BICDL1: variants seen among roughly 807,000 people sequenced by gnomAD.
BICDL1 encodes the protein BICD family-like cargo adapter 1.
A neutral mutation model predicts 76.8 loss-of-function variants in BICDL1; 20 were observed. The ratio of observed to expected loss-of-function variants is 0.26; its 90% CI spans 0.18 to 0.38. The LOEUF (loss-of-function observed/expected upper bound fraction) is 0.38, where lower values mean the gene tolerates loss of function less well. Among genes scored for constraint, BICDL1 ranks in the 10% least tolerant of loss-of-function variants. BICDL1 has a pLI of 1.00. For synonymous variants in BICDL1, 383 were observed against 337.1 expected, an observed-to-expected ratio of 1.14 and a Z score of -1.49; for missense variants, 700 against 798.6, an observed-to-expected ratio of 0.88 and a Z score of 1.49.
chr12:120,046,733 G>C (rs1168108484), intron 2 of BICDL1, among the ~76,000 whole-genome samples: 2 of 152,190 alleles, frequency 1.3e-5, no homozygotes, highest in Non-Finnish European at 2.9e-5. Context: ...AGGCCATCAA[G>C]TTAACATAGG....
At chr12:120,022,663 A>G (rs1952208696) in intron 2 of BICDL1, among the ~76,000 whole-genome samples, 1 of 152,072 alleles carries the variant, frequency 6.6e-6, no homozygotes, top group South Asian at 2.1e-4. Flanking sequence ...TACACAAACT[A>G]TATGAAACAA....
intron 2 of BICDL1, among the ~76,000 whole-genome samples, chr12:120,048,659 T>C (rs114252142): frequency 1.5e-4 from 23 of 152,314 alleles, no homozygotes; most frequent in Middle Eastern, 6.8e-3. Context: ...TTTCCTCATC[T>C]GTGTAATGAA....
intron 2 of BICDL1, among the ~76,000 whole-genome samples, chr12:120,024,279 TCAAAA>T (rs1302127833): frequency 2.6e-5 from 4 of 152,054 alleles, no homozygotes; most frequent in South Asian, 2.1e-4. Context: ...AGACTCCATC[TCAAAA>T]CAAAACAAAA....
chr12:120,007,947 T>C (rs1016082871), intron 2 of BICDL1, among the ~76,000 whole-genome samples: 4 of 152,196 alleles, frequency 2.6e-5, no homozygotes, highest in African/African-American at 7.2e-5. Context: ...AGGTGGGGGC[T>C]GTATTATTTG....
intron 2 of BICDL1, among the ~76,000 whole-genome samples, chr12:120,021,378 G>A (rs183122409): frequency 5.9e-5 from 9 of 151,854 alleles, no homozygotes; most frequent in Admixed American, 3.3e-4. Flanking sequence ...CCTGAGGTCA[G>A]GAGTTGGAGA....
At chr12:120,023,734 G>A (rs950182336) in intron 2 of BICDL1, among the ~76,000 whole-genome samples, 3 of 151,274 alleles carry the variant, frequency 2.0e-5, no homozygotes, top group African/African-American at 7.3e-5. Flanking sequence ...AGGTTGCAGT[G>A]AGCTGAGATC....
At position 119,989,712 on chromosome 12, in the gene BICDL1, G is replaced by GGC. The variant is rs1951470747; in HGVS notation, c.-150_-149dup. ...CGCCGGCGCGGGGGAGGGGCGGGCC[G>GGC]GCGCGCGCCGCGCCCAGGGCTCGCG... On this transcript the variant is annotated 5_prime_UTR_variant, in exon 1 of 10. Coordinates refer to ENST00000548673, the MANE Select transcript of BICDL1 (RefSeq NM_001367886.1). Among the ~76,000 whole-genome samples, 1 of 145,056 alleles carries GGC rather than the reference G, an allele frequency of 6.9e-6. No individual in the cohort carries two copies. Among genetic ancestry groups the GGC allele is most frequent in the African/African-American group, 2.5e-5 (1 of 40,528 alleles).
intron 2 of BICDL1, among the ~76,000 whole-genome samples, chr12:120,050,141 TA>T (rs1179529794): frequency 3.3e-5 from 5 of 152,242 alleles, no homozygotes; most frequent in Non-Finnish European, 7.3e-5. Context: ...TTTGCTCATT[TA>T]AAAAATTACG....
intron 6 of BICDL1, among the ~76,000 whole-genome samples, chr12:120,073,675 C>T (rs1317082053): frequency 6.6e-6 from 1 of 152,176 alleles, no homozygotes; most frequent in Admixed American, 6.5e-5. Context: ...GTTTCATCCT[C>T]CTACAGAAAA....
intron 8 of BICDL1, among the ~76,000 whole-genome samples, chr12:120,088,195 G>C (rs1874594527): frequency 6.6e-6 from 1 of 152,160 alleles, no homozygotes; most frequent in Non-Finnish European, 1.5e-5. Context: ...GCCTCCCAAA[G>C]TGCTGGGGAT....
intron 2 of BICDL1, among the ~76,000 whole-genome samples, chr12:120,045,318 G>A (rs1023446990): frequency 2.0e-5 from 3 of 152,042 alleles, no homozygotes; most frequent in Non-Finnish European, 4.4e-5. Context: ...TACACTGTTG[G>A]TGGGACTGTA....
At chr12:120,028,453 T>C (rs1392383249) in intron 2 of BICDL1, among the ~76,000 whole-genome samples, 1 of 152,002 alleles carries the variant, frequency 6.6e-6, no homozygotes, top group South Asian at 2.1e-4. Context: ...GGCAGGCAGA[T>C]CACTTGAGGT....
At chr12:120,070,788 A>G (rs530345940) in intron 4 of BICDL1, among the ~76,000 whole-genome samples, 5 of 151,110 alleles carry the variant, frequency 3.3e-5, no homozygotes, top group East Asian at 1.9e-4. Flanking sequence ...CTGGAGTGCA[A>G]TGGCGCAATC....
chr12:120,032,533 A>G (rs1435792620), intron 2 of BICDL1, among the ~76,000 whole-genome samples: 1 of 152,182 alleles, frequency 6.6e-6, no homozygotes, highest in Non-Finnish European at 1.5e-5. Context: ...AGTCACTATC[A>G]TTTATATGGC....
chr12:120,002,473 A>G lies in BICDL1; in HGVS notation c.645+3737A>G, dbSNP rs79699421. ...ATACTTAATAACATATTTACATACC[A>G]AAGATACATAAGCCTTTGGCCATAT... On this transcript the variant is annotated intron_variant, in intron 2 of 9. Coordinates refer to ENST00000548673, the MANE Select transcript of BICDL1 (RefSeq NM_001367886.1). Among the ~76,000 whole-genome samples, 1,181 of 152,256 alleles carry G rather than the reference A, an allele frequency of 7.8e-3. 9 individuals are homozygous for G. Among genetic ancestry groups the G allele is most frequent in the South Asian group, 0.03 (146 of 4,822 alleles).
intron 2 of BICDL1, among the ~76,000 whole-genome samples, chr12:120,033,046 A>G (rs1385889570): frequency 6.6e-6 from 1 of 152,054 alleles, no homozygotes; most frequent in Non-Finnish European, 1.5e-5. Flanking sequence ...TGCCTGGCCT[A>G]TAATTTTTTT....
Position 119,997,706 on chromosome 12 carries a change from A to C in BICDL1, c.430-815A>C, listed in dbSNP as rs549819273. ...TCTGTTGCTTCATTTCTAAGACGAG[A>C]TGGTTAATTGAAAAGATCTCTGGAG... On this transcript the variant is annotated intron_variant, in intron 1 of 9. Transcript: ENST00000548673. Among the ~76,000 whole-genome samples, 15 of 152,152 alleles carry C rather than the reference A, an allele frequency of 9.9e-5. No homozygotes were observed. In the South Asian group the frequency reaches 2.5e-3, roughly 25 times the overall value.
chr12:120,074,360 C>T (rs1873363806), intron 6 of BICDL1, 83 bp from the exon 7 acceptor site: 1 of 923,890 alleles, frequency 1.1e-6, no homozygotes. Context: ...TCCTTCTCTC[C>T]CCGACTAACC....
chr12:120,013,439 AGTGTGTGTGTGTGTGT>A (rs35499277), intron 2 of BICDL1, among the ~76,000 whole-genome samples: 35 of 134,890 alleles, frequency 2.6e-4, no homozygotes, highest in African/African-American at 6.1e-4. Context: ...CTTTAACCAG[AGTGTGTGTGTGTGTGT>A]GTGTGTGTGT....
Sources: gnomAD v4.1 joint callset for allele counts (sites outside exome capture counted in the v4.1 genomes callset) on GRCh38, gnomAD v4.1.1 for gene constraint, MANE v1.5 for transcripts, NCBI Gene and HGNC (gene_info 2026-07-23, HGNC 2026-07-21) for gene names.